EBF1: variants seen among roughly 807,000 people sequenced by gnomAD.
The protein encoded by EBF1 is EBF transcription factor 1.
EBF1 carries 10 observed loss-of-function variants against 68.4 expected under a neutral mutation model. The observed-to-expected ratio is 0.15, with a 90% CI of 0.09 to 0.25. The LOEUF is 0.25. Among genes scored for constraint, EBF1 ranks in the 10% least tolerant of loss-of-function variants. The probability of loss-of-function intolerance (pLI) is 1.00; values close to 1 mark genes in which losing one functional copy is unlikely to be tolerated. For missense variants in EBF1, 509 were observed against 794.4 expected (o/e 0.64, Z 4.32); for synonymous variants, 298 against 299.8 (o/e 0.99, Z 0.06).
chr5:158,960,153 G>A (rs1008844564), intron 6 of EBF1, among the ~76,000 whole-genome samples: 2 of 152,170 alleles, frequency 1.3e-5, no homozygotes, highest in African/African-American at 4.8e-5. Context: ...CAGCATGGAA[G>A]CATTTTAAGA....
chr5:158,804,741 T>C (rs1055207662), intron 8 of EBF1, among the ~76,000 whole-genome samples: 1 of 152,146 alleles, frequency 6.6e-6, no homozygotes, highest in African/African-American at 2.4e-5. Flanking sequence ...TACACTGTTT[T>C]CCACCTCATG....
At chr5:158,902,668 G>C (rs955329396) in intron 6 of EBF1, among the ~76,000 whole-genome samples, 15 of 151,358 alleles carry the variant, frequency 9.9e-5, no homozygotes, top group African/African-American at 3.6e-4. Flanking sequence ...TGTTGCCCAA[G>C]CTGGTCCAAA....
chr5:158,714,965 T>C (rs1760315988), intron 11 of EBF1, among the ~76,000 whole-genome samples: 1 of 152,210 alleles, frequency 6.6e-6, no homozygotes, highest in African/African-American at 2.4e-5. Flanking sequence ...TTAGCCTGCA[T>C]GCTTGGTTCT....
At chr5:158,741,509 A>G (rs930029982) in intron 10 of EBF1, among the ~76,000 whole-genome samples, 2 of 151,926 alleles carry the variant, frequency 1.3e-5, no homozygotes, top group African/African-American at 4.8e-5. Flanking sequence ...GGGGAGTTCC[A>G]AGCCACAGTG....
chr5:158,884,766 C>T (rs1799686207), intron 6 of EBF1, among the ~76,000 whole-genome samples: 1 of 152,148 alleles, frequency 6.6e-6, no homozygotes, highest in African/African-American at 2.4e-5. Context: ...ATTGCTTACT[C>T]TATGATAGAA....
At chr5:158,779,193 C>A (rs974833193) in intron 9 of EBF1, among the ~76,000 whole-genome samples, 1 of 152,064 alleles carries the variant, frequency 6.6e-6, no homozygotes, top group Non-Finnish European at 1.5e-5. Context: ...ATTTTACATA[C>A]AAACACTAAT....
At chr5:158,804,579 A>G (rs1018845997) in intron 8 of EBF1, among the ~76,000 whole-genome samples, 2 of 152,116 alleles carry the variant, frequency 1.3e-5, no homozygotes, top group East Asian at 3.9e-4. Flanking sequence ...AAATCTTGAC[A>G]TTTTGATGTA....
chr5:158,755,587 T>C (rs1304554736), intron 10 of EBF1, among the ~76,000 whole-genome samples: 1 of 152,192 alleles, frequency 6.6e-6, no homozygotes, highest in Non-Finnish European at 1.5e-5. Context: ...CCTAAATCTT[T>C]ATTGGGATTA....
intron 15 of EBF1, 85 bp from the exon 16 acceptor site, chr5:158,699,227 AC>A: frequency 1.5e-6 from 2 of 1,294,714 alleles, no homozygotes; most frequent in Admixed American, 2.2e-5. Context: ...AAAAAAAAAA[AC>A]ACCCACACAC....
chr5:158,978,731 T>C (rs1227069884), intron 6 of EBF1, among the ~76,000 whole-genome samples: 1 of 151,942 alleles, frequency 6.6e-6, no homozygotes, highest in Admixed American at 6.6e-5. Flanking sequence ...GGAAAGACTA[T>C]TGTTTGATTT....
chr5:158,760,931 TTTTTTG>T (rs935112593), intron 10 of EBF1, among the ~76,000 whole-genome samples: 48 of 152,314 alleles, frequency 3.2e-4, no homozygotes, highest in African/African-American at 8.7e-4. Context: ...TACTGACATG[TTTTTTG>T]TTTTTGTTTT....
At chr5:158,821,563 C>T (rs1423900772) in intron 8 of EBF1, among the ~76,000 whole-genome samples, 1 of 152,192 alleles carries the variant, frequency 6.6e-6, no homozygotes, top group Non-Finnish European at 1.5e-5. Flanking sequence ...TAACCACCCA[C>T]AGTCAAAAAC....
chr5:158,722,831 A>C (rs1400583965), intron 11 of EBF1, among the ~76,000 whole-genome samples: 1 of 152,204 alleles, frequency 6.6e-6, no homozygotes, highest in Non-Finnish European at 1.5e-5. Context: ...AGCAAGGCTT[A>C]AGACCTCCAA....
chr5:158,818,959 G>C (rs1364913993), intron 8 of EBF1, among the ~76,000 whole-genome samples: 4 of 146,364 alleles, frequency 2.7e-5, no homozygotes, highest in African/African-American at 1.0e-4. Flanking sequence ...TAGATCTAAA[G>C]AATACCCTAC....
chr5:158,772,837 C>T (rs1394694463), intron 10 of EBF1, among the ~76,000 whole-genome samples: 2 of 152,162 alleles, frequency 1.3e-5, no homozygotes, highest in Non-Finnish European at 2.9e-5. Context: ...TAGTATCTAG[C>T]CTCATGCTAA....
Position 159,097,115 on chromosome 5 carries a change from G to A in EBF1, c.150C>T (p.Ala50=), listed in dbSNP as rs755556214. ...GCGGCTGCTTCTCAAAGTGAGCCCG[G>A]GCCAGACCCACCCCGCTGCGGCCAA... ...NTAAQSGVGL[A]RAHFEKQPPS... is the part of the protein sequence containing the mutation. Residue 50 remains alanine, a synonymous_variant, in exon 2 of 16, where the codon GCC becomes GCT. Coordinates refer to ENST00000313708, the MANE Select transcript of EBF1 (RefSeq NM_024007.5). The A allele has an allele frequency of 2.5e-6, 4 of 1,613,870 alleles. No homozygotes were observed. In the South Asian group the frequency reaches 4.4e-5, roughly 18 times the overall value.
chr5:158,832,111 G>A (rs1439726554), intron 7 of EBF1, among the ~76,000 whole-genome samples: 1 of 152,130 alleles, frequency 6.6e-6, no homozygotes. Context: ...ACAACTATAG[G>A]CATCTTCAGA....
At position 158,722,413 on chromosome 5, in the gene EBF1, C is replaced by A. The variant is rs571832549; in HGVS notation, c.1126-8231G>T. Among the ~76,000 whole-genome samples, 5 of 152,238 alleles carry A rather than the reference C, an allele frequency of 3.3e-5. No homozygotes were observed. In the East Asian group the frequency reaches 9.7e-4, roughly 29 times the overall value. The stretch of plus-strand genomic sequence containing the variant: ...CCCTCAGCCAAGGCTGAATAAATAC[C>A]GAGCTTAAAAGTAGAGGGACTGCTC... On this transcript the variant is annotated intron_variant, in intron 11 of 15. Transcript: ENST00000313708.
At chr5:158,837,814 C>A (rs951465045) in intron 7 of EBF1, among the ~76,000 whole-genome samples, 1 of 152,154 alleles carries the variant, frequency 6.6e-6, no homozygotes, top group Non-Finnish European at 1.5e-5. Context: ...CTAAGAGGTA[C>A]AGCAGAGTTA....
Sources: allele counts gnomAD v4.1 joint callset (sites outside exome capture counted in the v4.1 genomes callset), GRCh38; gene constraint gnomAD v4.1.1; transcripts MANE v1.5; gene names NCBI Gene and HGNC (gene_info 2026-07-23, HGNC 2026-07-21).